The following LUZP2 variants were observed in gnomAD, a reference collection of about 807,000 sequenced individuals.
LUZP2 encodes leucine zipper protein 2.
A neutral mutation model predicts 51.6 loss-of-function variants in LUZP2; 52 were observed. The ratio of observed to expected loss-of-function variants is 1.01; its 90% CI spans 0.81 to 1.27. The LOEUF is 1.27. Among genes scored for constraint, LUZP2 ranks in the 50% most tolerant of loss-of-function variants. The pLI is 0.00. For synonymous variants in LUZP2, 154 were observed against 137.3 expected, an observed-to-expected ratio of 1.12 and a Z score of -0.85; for missense variants, 436 against 395.4, an observed-to-expected ratio of 1.10 and a Z score of -0.87.
chr11:24,973,625 A>C (rs1855809652), intron 7 of LUZP2, among the ~76,000 whole-genome samples: 1 of 151,550 alleles, frequency 6.6e-6, no homozygotes, highest in South Asian at 2.1e-4. Context: ...CATCCCAGAG[A>C]TTTTGGTACA....
At chr11:25,044,287 A>G (rs1227435773) in intron 9 of LUZP2, among the ~76,000 whole-genome samples, 4 of 135,640 alleles carry the variant, frequency 2.9e-5, no homozygotes, top group Non-Finnish European at 6.2e-5. Context: ...ATATATATAT[A>G]TATAGTCTGA....
intron 9 of LUZP2, among the ~76,000 whole-genome samples, chr11:25,001,208 G>T (rs770737756): frequency 2.6e-5 from 4 of 152,156 alleles, no homozygotes; most frequent in Non-Finnish European, 4.4e-5. Context: ...TATTAACTGA[G>T]AATTGGTATA....
At chr11:24,630,855 T>C (rs1249876301) in intron 1 of LUZP2, among the ~76,000 whole-genome samples, 1 of 151,914 alleles carries the variant, frequency 6.6e-6, no homozygotes, top group African/African-American at 2.4e-5. Context: ...CATTTGTTTG[T>C]GTCACCTACA....
At chr11:24,602,132 GTGTATATA>G (rs879918645) in intron 1 of LUZP2, among the ~76,000 whole-genome samples, 828 of 73,488 alleles carry the variant, frequency 0.011, 32 homozygotes, top group African/African-American at 0.049. Flanking sequence ...ATATGTATAT[GTGTATATA>G]TGTATATATG....
chr11:24,742,574 G>GTTGTAGA (rs1859223538), intron 4 of LUZP2, among the ~76,000 whole-genome samples: 1 of 151,804 alleles, frequency 6.6e-6, no homozygotes, highest in Non-Finnish European at 1.5e-5. Flanking sequence ...GTTTGAGTTT[G>GTTGTAGA]TTGTAGATTC....
intron 5 of LUZP2, among the ~76,000 whole-genome samples, chr11:24,766,623 G>C (rs1422590662): frequency 6.6e-6 from 1 of 152,134 alleles, no homozygotes; most frequent in Non-Finnish European, 1.5e-5. Context: ...TAATTTTGAT[G>C]ATAGTGTGCT....
At chr11:24,532,064 TAATAA>T (rs1851020340) in intron 1 of LUZP2, among the ~76,000 whole-genome samples, 3 of 150,916 alleles carry the variant, frequency 2.0e-5, no homozygotes, top group African/African-American at 2.4e-5. Flanking sequence ...GGAAAGAAAA[TAATAA>T]AATTAACTTC....
intron 5 of LUZP2, among the ~76,000 whole-genome samples, chr11:24,860,127 C>G (rs1313143537): frequency 6.6e-6 from 1 of 152,196 alleles, no homozygotes; most frequent in Admixed American, 6.5e-5. Flanking sequence ...GGCATAAAGG[C>G]CTAGTCCCAA....
At chr11:24,911,709 A>G (rs940965047) in intron 6 of LUZP2, among the ~76,000 whole-genome samples, 2 of 152,172 alleles carry the variant, frequency 1.3e-5, no homozygotes, top group African/African-American at 4.8e-5. Flanking sequence ...ACAGACTAAT[A>G]CAGAGAGTAA....
chr11:24,832,420 C>T (rs1220395278), intron 5 of LUZP2, among the ~76,000 whole-genome samples: 1 of 151,826 alleles, frequency 6.6e-6, no homozygotes, highest in Non-Finnish European at 1.5e-5. Context: ...ATAACTATAA[C>T]AGGTTTTATT....
chr11:24,557,513 G>A (rs915328445), intron 1 of LUZP2, among the ~76,000 whole-genome samples: 1 of 151,986 alleles, frequency 6.6e-6, no homozygotes, highest in Admixed American at 6.6e-5. Context: ...ATAAATGAGT[G>A]GACAAACTAT....
At chr11:24,750,436 G>A (rs550018437) in intron 4 of LUZP2, among the ~76,000 whole-genome samples, 2 of 152,298 alleles carry the variant, frequency 1.3e-5, no homozygotes, top group Non-Finnish European at 2.9e-5. Context: ...ATCTGTTGTA[G>A]AAGCAAGGTT....
intron 11 of LUZP2, among the ~76,000 whole-genome samples, chr11:25,078,279 T>C (rs980416343): frequency 4.6e-5 from 7 of 152,242 alleles, no homozygotes; most frequent in African/African-American, 1.7e-4. Flanking sequence ...TTTCAAACTT[T>C]GAATTAGATT....
chr11:24,971,518 C>G (rs748804613), intron 7 of LUZP2, among the ~76,000 whole-genome samples: 1 of 152,112 alleles, frequency 6.6e-6, no homozygotes, highest in Non-Finnish European at 1.5e-5. Flanking sequence ...GGTTGAAAAA[C>G]TACCTACTGG....
chr11:24,940,918 T>C (rs1231587013), intron 7 of LUZP2, among the ~76,000 whole-genome samples: 1 of 152,210 alleles, frequency 6.6e-6, no homozygotes, highest in Admixed American at 6.5e-5. Flanking sequence ...GCAAATGTAG[T>C]TGCCTTCAAC....
chr11:24,860,374 C>T (rs913821690), intron 5 of LUZP2, among the ~76,000 whole-genome samples: 11 of 152,150 alleles, frequency 7.2e-5, no homozygotes, highest in African/African-American at 2.4e-4. Context: ...ACTGGTAGTT[C>T]TGAGGAATCT....
rs551789189 is a variant in LUZP2 at position 24,549,806 on chromosome 11, T to A, written c.62+52501T>A. 2.0e-5 allele frequency among the ~76,000 whole-genome samples: 3 copies of A among 152,204 alleles called. No individual in the cohort carries two copies. The East Asian group carries it at 5.8e-4, about 29-fold the overall frequency. ...ATGAGACAAATTGTATCAATTTAAA[T>A]ACCCCCAACGTTAACTAAAACCACC... is the stretch of plus-strand genomic sequence containing the variant. On this transcript the variant is annotated intron_variant, in intron 1 of 11. Transcript: ENST00000336930.
At chr11:24,957,551 C>A (rs959733579) in intron 7 of LUZP2, among the ~76,000 whole-genome samples, 1 of 152,042 alleles carries the variant, frequency 6.6e-6, no homozygotes, top group African/African-American at 2.4e-5. Flanking sequence ...CAACTCTCTG[C>A]TTTGAGTTTG....
chr11:24,590,494 A>T (rs979466773), intron 1 of LUZP2, among the ~76,000 whole-genome samples: 1 of 152,136 alleles, frequency 6.6e-6, no homozygotes, highest in Non-Finnish European at 1.5e-5. Flanking sequence ...CATTTTTATT[A>T]GTGGTTTTAA....
Sources: gnomAD v4.1 joint callset for allele counts (sites outside exome capture counted in the v4.1 genomes callset) on GRCh38, gnomAD v4.1.1 for gene constraint, MANE v1.5 for transcripts, NCBI Gene and HGNC (gene_info 2026-07-23, HGNC 2026-07-21) for gene names.